Variants in LRRC1 observed in about 807,000 individuals in gnomAD.
The protein encoded by LRRC1 is leucine-rich repeat-containing protein 1.
LRRC1 carries 28 observed loss-of-function variants against 69.9 expected under a neutral mutation model. The ratio of observed to expected loss-of-function variants is 0.40; its 90% CI spans 0.30 to 0.55. LRRC1 has a LOEUF of 0.55. Among genes scored for constraint, LRRC1 ranks in the 20% least tolerant of loss-of-function variants. The probability of loss-of-function intolerance (pLI) is 0.47; values close to 1 mark genes in which losing one functional copy is unlikely to be tolerated. For missense variants in LRRC1, 498 were observed against 609.0 expected (o/e 0.82, Z 1.92); for synonymous variants, 236 against 240.2 (o/e 0.98, Z 0.16).
At chr6:53,907,009 G>T (rs1768262712) in intron 10 of LRRC1, among the ~76,000 whole-genome samples, 1 of 152,198 alleles carries the variant, frequency 6.6e-6, no homozygotes, top group African/African-American at 2.4e-5. Flanking sequence ...CTGACCATCA[G>T]GGCTGAGCAG....
At chr6:53,855,648 C>T (rs1766286818) in intron 2 of LRRC1, among the ~76,000 whole-genome samples, 1 of 152,136 alleles carries the variant, frequency 6.6e-6, no homozygotes, top group Non-Finnish European at 1.5e-5. Context: ...AACTGATGGG[C>T]CACAGCATGG....
intron 1 of LRRC1, among the ~76,000 whole-genome samples, chr6:53,802,654 A>C (rs1276558633): frequency 6.6e-6 from 1 of 152,170 alleles, no homozygotes; most frequent in Non-Finnish European, 1.5e-5. Flanking sequence ...GTGATCATTA[A>C]ATTTATAAAA....
chr6:53,865,773 G>A lies in LRRC1; in HGVS notation c.278-13220G>A, dbSNP rs149434481. 2.7e-3 allele frequency among the ~76,000 whole-genome samples: 404 copies of A among 151,538 alleles called. 5 individuals are homozygous for A. In the East Asian group the frequency reaches 0.041, roughly 15 times the overall value. On this transcript the variant is annotated intron_variant, in intron 2 of 13. Transcript: ENST00000370888. ...AGTCTTGCTTTGCCACCAGGCTGGA[G>A]TACAGTGGTGTGATCTCGGCTCACT...
chr6:53,888,138 A>G (rs1276293365), intron 4 of LRRC1, among the ~76,000 whole-genome samples: 1 of 152,118 alleles, frequency 6.6e-6, no homozygotes, highest in Non-Finnish European at 1.5e-5. Context: ...TTTTCTTGGG[A>G]TCAGTTATAT....
intron 12 of LRRC1, among the ~76,000 whole-genome samples, chr6:53,919,920 A>G (rs1004912696): frequency 1.3e-5 from 2 of 152,242 alleles, no homozygotes; most frequent in Non-Finnish European, 2.9e-5. Flanking sequence ...AATTATAGCT[A>G]AGGCTGAAAA....
At chr6:53,887,408 C>T (rs1026217420) in intron 4 of LRRC1, among the ~76,000 whole-genome samples, 5 of 151,784 alleles carry the variant, frequency 3.3e-5, no homozygotes, top group Non-Finnish European at 5.9e-5. Flanking sequence ...AAAGCTAATT[C>T]TGATAACCAG....
At chr6:53,845,127 C>T (rs746482922) in intron 2 of LRRC1, among the ~76,000 whole-genome samples, 8 of 152,170 alleles carry the variant, frequency 5.3e-5, no homozygotes, top group Non-Finnish European at 1.2e-4. Context: ...TCGCTTGAAC[C>T]CGGGAGGTGG....
At chr6:53,914,749 C>G (rs1364787567) in intron 11 of LRRC1, among the ~76,000 whole-genome samples, 4 of 152,274 alleles carry the variant, frequency 2.6e-5, no homozygotes, top group Non-Finnish European at 5.9e-5. Context: ...CTCCTTGGCT[C>G]TCTTCTTCAT....
At chr6:53,812,685 G>A (rs762188175) in intron 1 of LRRC1, among the ~76,000 whole-genome samples, 52 of 72,218 alleles carry the variant, frequency 7.2e-4, no homozygotes, top group Admixed American at 1.5e-3. Context: ...GCAAGACTCC[G>A]TCTCAAAAAA....
intron 4 of LRRC1, among the ~76,000 whole-genome samples, chr6:53,885,431 T>A (rs1484949254): frequency 2.0e-5 from 3 of 152,216 alleles, no homozygotes; most frequent in African/African-American, 7.2e-5. Context: ...TTGTTTTGCA[T>A]AGAAGACATA....
Position 53,810,484 on chromosome 6 carries a change from G to A in LRRC1, c.159+15069G>A, listed in dbSNP as rs144297117. Among the ~76,000 whole-genome samples, 299 of 152,198 alleles carry A rather than the reference G, an allele frequency of 2.0e-3. 4 individuals are homozygous for A. The East Asian group carries it at 0.041, about 21-fold the overall frequency. ...AAATACAAAAAATTAGCCGGGCGTG[G>A]TCGTGGGCACCTGTAGTCCCAGCTA... On this transcript the variant is annotated intron_variant, in intron 1 of 13. Coordinates refer to ENST00000370888, the MANE Select transcript of LRRC1 (RefSeq NM_018214.5).
intron 1 of LRRC1, among the ~76,000 whole-genome samples, chr6:53,798,674 C>T (rs943935542): frequency 7.2e-5 from 11 of 152,192 alleles, no homozygotes; most frequent in African/African-American, 2.2e-4. Flanking sequence ...CCACCATGCC[C>T]GGCCTTACCT....
At chr6:53,809,260 C>G (rs1764723259) in intron 1 of LRRC1, among the ~76,000 whole-genome samples, 2 of 152,340 alleles carry the variant, frequency 1.3e-5, no homozygotes, top group Middle Eastern at 6.8e-3. Context: ...CTTTCTGGAA[C>G]TATACATATT....
chr6:53,846,570 G>T (rs1335036658), intron 2 of LRRC1, among the ~76,000 whole-genome samples: 1 of 152,146 alleles, frequency 6.6e-6, no homozygotes, highest in African/African-American at 2.4e-5. Context: ...CACTTCTCTT[G>T]TCTTAACTTG....
At chr6:53,823,338 T>G (rs1026810623) in intron 1 of LRRC1, among the ~76,000 whole-genome samples, 1 of 152,364 alleles carries the variant, frequency 6.6e-6, no homozygotes, top group East Asian at 1.9e-4. Context: ...TGGATCCTTA[T>G]GAAAAAGACA....
intron 1 of LRRC1, among the ~76,000 whole-genome samples, chr6:53,835,123 A>G (rs573764740): frequency 6.6e-6 from 1 of 151,790 alleles, no homozygotes; most frequent in South Asian, 2.1e-4. Flanking sequence ...AATTCACCCA[A>G]GTGCGCAATT....
intron 1 of LRRC1, among the ~76,000 whole-genome samples, chr6:53,814,477 GGTTGAGGC>G (rs1333514838): frequency 6.6e-6 from 1 of 152,158 alleles, no homozygotes; most frequent in Non-Finnish European, 1.5e-5. Flanking sequence ...TACCTTTGAT[GGTTGAGGC>G]AGACTAAGAA....
At position 53,899,867 on chromosome 6, in the gene LRRC1, T is replaced by C. The variant is rs139964397; in HGVS notation, c.763T>C (p.Leu255=). Residue 255 remains leucine, a synonymous_variant, in exon 8 of 14, where the codon TTA becomes CTA. Coordinates refer to ENST00000370888, the MANE Select transcript of LRRC1 (RefSeq NM_018214.5). Reference sequence around the variant, plus strand: ...GGATTTAGTCATTTCCCAGAACTTATTAGAAACGATTCCGGATGGCATTGG... The same window carrying C: ...GGATTTAGTCATTTCCCAGAACTTACTAGAAACGATTCCGGATGGCATTGG... ...LTDLVISQNL[L]ETIPDGIGKL... The C allele has an allele frequency of 8.2e-4, 1,320 of 1,613,924 alleles. 13 individuals are homozygous for C. In the African/African-American group the frequency reaches 0.016, roughly 19 times the overall value.
rs573645618 is a variant in LRRC1 at position 53,882,119 on chromosome 6, C to T, written c.357-768C>T. ...ATCCCAGCAGTTTGGGAGGCCAAGG[C>T]GGGTGGATCACTAGGTCAGGAGTTT... On this transcript the variant is annotated intron_variant, in intron 3 of 13. Transcript: ENST00000370888. 1.7e-3 allele frequency among the ~76,000 whole-genome samples: 264 copies of T among 152,226 alleles called. 2 individuals are homozygous for T. The highest frequency in any genetic ancestry group is 6.1e-3 in the African/African-American group (253 of 41,556).
Sources: allele counts gnomAD v4.1 joint callset (sites outside exome capture counted in the v4.1 genomes callset), GRCh38; gene constraint gnomAD v4.1.1; transcripts MANE v1.5; gene names NCBI Gene and HGNC (gene_info 2026-07-23, HGNC 2026-07-21).